Variants in NPHP3 observed in about 807,000 individuals in gnomAD.
NPHP3 encodes the protein nephrocystin 3, also known as nephrocystin-3.
In NPHP3, 123 loss-of-function variants were observed where a neutral mutation model predicts 171.9. The ratio of observed to expected loss-of-function variants is 0.72; its 90% CI spans 0.62 to 0.83. NPHP3 has a LOEUF of 0.83. NPHP3 is among the 40% of genes least tolerant of loss of function. The pLI is 0.00. For synonymous variants in NPHP3, 558 were observed against 579.2 expected, an observed-to-expected ratio of 0.96 and a Z score of 0.52; for missense variants, 1,506 against 1,591.9, an observed-to-expected ratio of 0.95 and a Z score of 0.92.
At chr3:132,718,863 T>C in intron 3 of NPHP3, 131 bp downstream of exon 3, 2 of 880,576 alleles carry the variant, frequency 2.3e-6, no homozygotes, top group South Asian at 2.9e-5. Context: ...CACACGACAC[T>C]ATTTGCAACA....
intron 17 of NPHP3, among the ~76,000 whole-genome samples, chr3:132,692,325 G>T (rs992806745): frequency 6.6e-6 from 1 of 152,104 alleles, no homozygotes; most frequent in Non-Finnish European, 1.5e-5. Context: ...TAATAATACC[G>T]CAATTCAATG....
In NPHP3 at chr3:132,689,068, G is replaced by A; in HGVS notation, c.2883+6C>T. The A allele has an allele frequency of 6.2e-7, 1 of 1,614,082 alleles. No individual in the cohort carries two copies. The highest frequency in any genetic ancestry group is 1.3e-5 in the African/African-American group (1 of 75,044). ...CTCTGGCTTGCCATTGATCTGCTGA[G>A]CTTACCTGACTGAGAAGGCCTAGAT... On this transcript the variant is annotated splice_donor_region_variant and intron_variant, in intron 20 of 26. Coordinates refer to ENST00000337331, the MANE Select transcript of NPHP3 (RefSeq NM_153240.5).
intron 9 of NPHP3, among the ~76,000 whole-genome samples, chr3:132,703,694 C>T (rs1272262364): frequency 6.6e-6 from 1 of 151,864 alleles, no homozygotes; most frequent in African/African-American, 2.4e-5. Context: ...ATCCTCCCAC[C>T]TCAGCCTCCC....
intron 18 of NPHP3, among the ~76,000 whole-genome samples, 183 bp downstream of exon 18, chr3:132,691,009 A>G (rs1939285914): frequency 6.6e-6 from 1 of 152,254 alleles, no homozygotes; most frequent in Non-Finnish European, 1.5e-5. Flanking sequence ...AACTTTTAGC[A>G]TAATATTAAA....
In NPHP3 at chr3:132,699,974, A is replaced by G. The variant is rs1345730341; in HGVS notation, c.1831T>C (p.Ser611Pro). ...EEFPRWLEKL[S>P]ARHQGSIIIV... The stretch of plus-strand genomic sequence containing the variant: ...ATGATGCTGCCTTGATGACGAGCAG[A>G]GAGTTTTTCCAGCCAACGTGGAAAT... The change falls in exon 12 of 27, where the codon TCT becomes CCT. Residue 611 changes from serine to proline, a missense_variant. Transcript: ENST00000337331. 6.2e-7 allele frequency: 1 copy of G among 1,614,044 alleles called. No individual in the cohort carries two copies. The highest frequency in any genetic ancestry group is 1.3e-5 in the African/African-American group (1 of 74,930).
Position 132,719,046 on chromosome 3 carries a change from TTG to T in NPHP3, c.616_617del (p.Gln206SerfsTer3). On this transcript the variant is annotated frameshift_variant, in exon 3 of 27. Transcript: ENST00000337331. LOFTEE classifies it high-confidence loss of function. The stretch of plus-strand genomic sequence containing the variant: ...AATCAGACTCCCCAGGATCAAATAC[TTG>T]GATACCCTGAGCCTGTAGCCTCTGA... Reference protein sequence around the residue: ...KLQRLQAQGIQVFDPGESDSD... With the variant: ...KLQRLQAQGIXVFDPGESDSD... The T allele has an allele frequency of 6.2e-7, 1 of 1,614,120 alleles. No individual in the cohort carries two copies. Among genetic ancestry groups the T allele is most frequent in the Non-Finnish European group, 8.5e-7 (1 of 1,179,992 alleles).
At position 132,681,820 on chromosome 3, in the gene NPHP3, A is replaced by G; in HGVS notation, c.*90T>C. The G allele has an allele frequency of 8.2e-7, 1 of 1,221,514 alleles. No individual in the cohort carries two copies. The highest frequency in any genetic ancestry group is 1.8e-5 in the Admixed American group (1 of 55,250). 75.7% of individuals were successfully genotyped at this position (1,221,514 alleles called of 1,614,324 possible). Reference sequence around the variant, plus strand: ...AATCACACGTAGTAAAATTTCGTACAACATTTTTTTAAAGTTTCAAATTCA... The same window carrying G: ...AATCACACGTAGTAAAATTTCGTACGACATTTTTTTAAAGTTTCAAATTCA... On this transcript the variant is annotated 3_prime_UTR_variant, in exon 27 of 27. Coordinates refer to ENST00000337331, the MANE Select transcript of NPHP3 (RefSeq NM_153240.5).
chr3:132,705,723 A>C lies in NPHP3; in HGVS notation c.1350+17T>G. The C allele has an allele frequency of 8.5e-7, 1 of 1,172,520 alleles. No homozygotes were observed. Among genetic ancestry groups the C allele is most frequent in the Non-Finnish European group, 1.3e-6 (1 of 785,304 alleles). The allele number at this position is 1,172,520 out of a possible 1,614,324, so 72.6% of individuals were successfully genotyped here. On this transcript the variant is annotated intron_variant, in intron 8 of 26. Transcript: ENST00000337331. ...TAAAATATTTTAGATGAAAACTTAC[A>C]GAGAATGCATATTTACCTGTTTAAT...
chr3:132,715,146 G>A lies in NPHP3; in HGVS notation c.896C>T (p.Thr299Ile), dbSNP rs1940015669. 5 of 1,604,274 alleles carry A rather than the reference G, an allele frequency of 3.1e-6. No homozygotes were observed. The highest frequency in any genetic ancestry group is 4.3e-6 in the Non-Finnish European group (5 of 1,171,318). ...TGTATAAATGAGGTAACATCTGACA[G>A]TGTTACTCCACAGAGAATGTGAAAA... is the stretch of plus-strand genomic sequence containing the variant. ...PLFSHSLWSNTVRCYLIYTDE... is the reference protein window; with the variant it reads ...PLFSHSLWSNIVRCYLIYTDE... Residue 299 changes from threonine (T) to isoleucine (I), a missense_variant, in exon 5 of 27, where the codon ACT becomes ATT. Thr to Ile is a moderately conservative substitution (Grantham distance 89, BLOSUM62 -1). Transcript: ENST00000337331.
At position 132,682,289 on chromosome 3, in the gene NPHP3, A is replaced by T. The variant is rs1939051406; in HGVS notation, c.3813-199T>A. On this transcript the variant is annotated intron_variant, in intron 26 of 26. Transcript: ENST00000337331. Reference sequence around the variant, plus strand: ...ACCAGTATCAGTATTTTTGTGTCTCATATGGATATCATTAAAACCATGTTG... The same window carrying T: ...ACCAGTATCAGTATTTTTGTGTCTCTTATGGATATCATTAAAACCATGTTG... 6.6e-6 allele frequency: 4 copies of T among 606,092 alleles called. No homozygotes were observed. The South Asian group carries it at 8.0e-5, about 12-fold the overall frequency. 37.5% of individuals were successfully genotyped at this position (606,092 alleles called of 1,614,324 possible).
chr3:132,694,364 TGTGTG>T (rs1009910780), intron 16 of NPHP3, among the ~76,000 whole-genome samples: 8 of 150,800 alleles, frequency 5.3e-5, no homozygotes, highest in African/African-American at 1.7e-4. Context: ...TATGTGTGTG[TGTGTG>T]TGTGTGTGTT....
rs950950434 is a variant in NPHP3, at chr3:132,698,231, G to T, written c.1986-869C>A. On this transcript the variant is annotated intron_variant, in intron 13 of 26. Coordinates refer to ENST00000337331, the MANE Select transcript of NPHP3 (RefSeq NM_153240.5). ...CCTGACCTCCCGATCCACCCGCCTC[G>T]GCCTCCCAAAGTGTTGGGATTACAG... Among the ~76,000 whole-genome samples, 16 of 151,638 alleles carry T rather than the reference G, an allele frequency of 1.1e-4. No individual in the cohort carries two copies. In the South Asian group the frequency reaches 1.5e-3, roughly 14 times the overall value.
intron 26 of NPHP3, chr3:132,682,410 G>T: frequency 1.8e-6 from 1 of 549,010 alleles, no homozygotes; most frequent in Non-Finnish European, 3.2e-6. Flanking sequence ...ATACTTAATG[G>T]CAACTTCACT....
At chr3:132,696,058 T>C (rs903986296) in intron 15 of NPHP3, among the ~76,000 whole-genome samples, 3 of 152,116 alleles carry the variant, frequency 2.0e-5, no homozygotes, top group Admixed American at 2.0e-4. Context: ...AGATTCGGTG[T>C]CTGGAAATAT....
intron 23 of NPHP3, chr3:132,685,218 A>T: frequency 5.3e-6 from 1 of 187,688 alleles, no homozygotes; most frequent in Non-Finnish European, 1.1e-5. Context: ...GGCTCAAGTG[A>T]TCCTCCCACC....
chr3:132,719,175 C>CT, intron 2 of NPHP3, 31 bp from the exon 3 acceptor site: 1 of 1,540,224 alleles, frequency 6.5e-7, no homozygotes. Flanking sequence ...ATGTTGAAAG[C>CT]TTTTTCATAA....
chr3:132,715,975 C>T (rs372862236), intron 4 of NPHP3, among the ~76,000 whole-genome samples: 1 of 152,206 alleles, frequency 6.6e-6, no homozygotes, highest in Non-Finnish European at 1.5e-5. Flanking sequence ...ATATAAATTA[C>T]GCACATCCTC....
At position 132,722,382 on chromosome 3, in the gene NPHP3, G is replaced by C. The variant is rs1940261957; in HGVS notation, c.-27C>G. 1 of 1,572,164 alleles carries C rather than the reference G, an allele frequency of 6.4e-7. No homozygotes were observed. Among genetic ancestry groups the C allele is most frequent in the East Asian group, 2.4e-5 (1 of 42,014 alleles). On this transcript the variant is annotated 5_prime_UTR_variant, in exon 1 of 27. Transcript: ENST00000337331. ...GCGTCCGTTGCCGCTACTACCTAGT[G>C]AGTACCAGCAGGACTGGGCAGCGGA...
Position 132,681,794 on chromosome 3 carries a change from A to C in NPHP3, c.*116T>G. ...ATACAACTTCATACAAATAGCAGTT[A>C]AATCACACGTAGTAAAATTTCGTAC... is the stretch of plus-strand genomic sequence containing the variant. On this transcript the variant is annotated 3_prime_UTR_variant, in exon 27 of 27. Transcript: ENST00000337331. 1.2e-6 allele frequency: 1 copy of C among 840,790 alleles called. No individual in the cohort carries two copies. The highest frequency in any genetic ancestry group is 2.0e-6 in the Non-Finnish European group (1 of 500,312). 52.1% of individuals were successfully genotyped at this position (840,790 alleles called of 1,614,324 possible). A position where few individuals can be genotyped will look rare whatever the true frequency, so the allele number is the denominator to read the frequency against.
Sources: allele counts gnomAD v4.1 joint callset (sites outside exome capture counted in the v4.1 genomes callset), GRCh38; gene constraint gnomAD v4.1.1; transcripts MANE v1.5; gene names NCBI Gene and HGNC (gene_info 2026-07-23, HGNC 2026-07-21).